SIRT4: variants seen among roughly 807,000 people sequenced by gnomAD.
The protein encoded by SIRT4 is sirtuin 4.
SIRT4 carries 23 observed loss-of-function variants against 26.1 expected under a neutral mutation model. The ratio of observed to expected loss-of-function variants is 0.88; its 90% confidence interval spans 0.63 to 1.25. SIRT4 has a LOEUF of 1.25. Ranked by LOEUF, SIRT4 falls within the 50% of genes most tolerant of loss-of-function variation. The pLI is 0.00. For missense variants in SIRT4, 361 were observed against 405.4 expected (o/e 0.89, Z 0.94); for synonymous variants, 155 against 158.4 (o/e 0.98, Z 0.16).
chr12:120,298,247 C>T (rs1487305913), upstream of SIRT4, among the ~76,000 whole-genome samples: 1 of 150,558 alleles, frequency 6.6e-6, no homozygotes, highest in Non-Finnish European at 1.5e-5. Context: ...TATGAGTTTC[C>T]CCGCCTAGTA....
the SIRT4 span, among the ~76,000 whole-genome samples, chr12:120,296,915 A>C: frequency 6.6e-6 from 1 of 151,622 alleles, no homozygotes; most frequent in South Asian, 2.1e-4. Context: ...TTAATTCTGG[A>C]TGGGGTGGAG....
chr12:120,301,206 G>C (rs778749061), upstream of SIRT4, among the ~76,000 whole-genome samples: 46 of 152,066 alleles, frequency 3.0e-4, no homozygotes, highest in Admixed American at 7.9e-4. Context: ...TTAACCGGGC[G>C]TAGTGGCATG....
At chr12:120,300,915 T>G (rs2136824441), upstream of SIRT4, among the ~76,000 whole-genome samples, 1 of 152,282 alleles carries the variant, frequency 6.6e-6, no homozygotes, top group South Asian at 2.1e-4. Context: ...AATTTGTAGA[T>G]CAGAATCCCT....
At chr12:120,311,339 G>A (rs1470547301) in intron 2 of SIRT4, among the ~76,000 whole-genome samples, 2 of 151,018 alleles carry the variant, frequency 1.3e-5, no homozygotes, top group Non-Finnish European at 2.9e-5. Flanking sequence ...TGGGCAACAA[G>A]AGTGAAACTC....
chr12:120,306,351 T>C (rs1872745313), intron 2 of SIRT4, among the ~76,000 whole-genome samples: 1 of 151,636 alleles, frequency 6.6e-6, no homozygotes, highest in Non-Finnish European at 1.5e-5. Context: ...GGTGCATGCC[T>C]GTAATCCTAG....
At chr12:120,292,847 T>A in the SIRT4 span, among the ~76,000 whole-genome samples, 57 of 152,108 alleles carry the variant, frequency 3.7e-4, no homozygotes, top group African/African-American at 1.3e-3. Context: ...GACAGCCAAC[T>A]GGCAAGAAAA....
the SIRT4 span, among the ~76,000 whole-genome samples, chr12:120,292,556 C>G: frequency 1.3e-5 from 2 of 152,216 alleles, no homozygotes; most frequent in Non-Finnish European, 2.9e-5. Context: ...GAGCCGAGAT[C>G]GCGCCAGTGC....
intron 2 of SIRT4, among the ~76,000 whole-genome samples, chr12:120,309,035 C>T (rs959671232): frequency 1.3e-5 from 2 of 151,918 alleles, no homozygotes; most frequent in Admixed American, 6.6e-5. Context: ...AAAAATTAGC[C>T]GGGCATGGTG....
chr12:120,304,073 C>A lies in SIRT4; in HGVS notation c.497+15C>A. 1.2e-6 allele frequency: 2 copies of A among 1,602,018 alleles called. No individual in the cohort carries two copies. The highest frequency in any genetic ancestry group is 1.7e-6 in the Non-Finnish European group (2 of 1,178,920). On this transcript the variant is annotated intron_variant, in intron 2 of 3. Coordinates refer to ENST00000202967, the MANE Select transcript of SIRT4 (RefSeq NM_012240.3). ...TGCATGGACAGGTGCAGGAGCTGTA[C>A]ACGGTTTGAACGCAAACCCGTGTGT...
the SIRT4 span, chr12:120,293,012 G>GAACAAGTACTCTTC: frequency 6.6e-6 from 1 of 151,966 alleles, no homozygotes; most frequent in African/African-American, 2.4e-5. Flanking sequence ...GAGAGTTTGC[G>GAACAAGTACTCTTC]AACAAGTACT....
the SIRT4 span, among the ~76,000 whole-genome samples, chr12:120,295,591 T>C: frequency 1.2e-4 from 18 of 151,726 alleles, no homozygotes; most frequent in South Asian, 3.5e-3. Flanking sequence ...TGTACATACC[T>C]AGAAGTAAAA....
chr12:120,300,235 T>C (rs1171441608), upstream of SIRT4, among the ~76,000 whole-genome samples: 1 of 150,696 alleles, frequency 6.6e-6, no homozygotes, highest in Non-Finnish European at 1.5e-5. Context: ...GAAACTGCAG[T>C]GAGCTGTGAT....
chr12:120,296,610 C>T, the SIRT4 span, among the ~76,000 whole-genome samples: 1 of 149,560 alleles, frequency 6.7e-6, no homozygotes, highest in South Asian at 2.1e-4. Flanking sequence ...TGGGCTCAAG[C>T]GATCTTCCCA....
At chr12:120,301,365 CA>C, upstream of SIRT4, among the ~76,000 whole-genome samples, 2 of 151,782 alleles carry the variant, frequency 1.3e-5, 1 homozygote, top group East Asian at 3.9e-4. Flanking sequence ...AAACAAACAA[CA>C]ACAACAACAA....
the SIRT4 span, chr12:120,293,137 T>TA: frequency 3.9e-5 from 6 of 152,196 alleles, no homozygotes; most frequent in Non-Finnish European, 7.3e-5. Flanking sequence ...GCCGACTATA[T>TA]TGCAAGTCGT....
At chr12:120,298,135 G>GAA (rs1872400836), upstream of SIRT4, among the ~76,000 whole-genome samples, 1 of 148,030 alleles carries the variant, frequency 6.8e-6, no homozygotes, top group South Asian at 2.1e-4. Flanking sequence ...GGCGGAGGTT[G>GAA]CGGTGAGCCA....
chr12:120,303,662 C>G lies in SIRT4; in HGVS notation c.101C>G (p.Pro34Arg). ...CSKASIGLFV[P>R]ASPPLDPEKV... is the part of the protein sequence containing the mutation. ...AAAGCCTCCATTGGGTTATTTGTGC[C>G]AGCAAGTCCTCCTCTGGACCCTGAG... The change falls in exon 2 of 4, where the codon CCA becomes CGA. Residue 34 changes from proline (P) to arginine (R), a missense_variant. By Grantham distance (103) the Pro-to-Arg change is moderately radical. Transcript: ENST00000202967. 6.2e-7 allele frequency: 1 copy of G among 1,614,132 alleles called. No individual in the cohort carries two copies. The highest frequency in any genetic ancestry group is 8.5e-7 in the Non-Finnish European group (1 of 1,180,028).
the SIRT4 span, among the ~76,000 whole-genome samples, chr12:120,293,715 C>T: frequency 6.6e-6 from 1 of 152,136 alleles, no homozygotes; most frequent in Non-Finnish European, 1.5e-5. Context: ...CTACTTACCT[C>T]CAGAACTTTA....
intron 2 of SIRT4, among the ~76,000 whole-genome samples, chr12:120,307,587 CGGT>C (rs1566464605): frequency 1.3e-5 from 2 of 152,134 alleles, no homozygotes; most frequent in African/African-American, 2.4e-5. Context: ...TGGCCGGGCA[CGGT>C]GGCTCACGCC....
Sources: gnomAD v4.1 joint callset for allele counts (sites outside exome capture counted in the v4.1 genomes callset) on GRCh38, gnomAD v4.1.1 for gene constraint, MANE v1.5 for transcripts, NCBI Gene and HGNC (gene_info 2026-07-23, HGNC 2026-07-21) for gene names.